The following PHOX2B variants were observed in gnomAD, a reference collection of about 807,000 sequenced individuals.
PHOX2B encodes the protein paired mesoderm homeobox protein 2B.
A neutral mutation model predicts 15.5 loss-of-function variants in PHOX2B; 1 was observed. The ratio of observed to expected loss-of-function variants is 0.06; its 90% CI spans 0.02 to 0.31. PHOX2B has a LOEUF of 0.31. Among genes scored for constraint, PHOX2B ranks in the 10% least tolerant of loss-of-function variants. The pLI, the probability that PHOX2B is intolerant of heterozygous loss-of-function variation, is 1.00. For synonymous variants in PHOX2B, 206 were observed against 190.5 expected (o/e 1.08, Z -0.67); for missense variants, 314 against 436.4 (o/e 0.72, Z 2.50).
intron 2 of PHOX2B, 73 bp from the exon 3 acceptor site, chr4:41,746,395 A>G (rs999141639): frequency 6.7e-7 from 1 of 1,481,960 alleles, no homozygotes; most frequent in Non-Finnish European, 9.2e-7. Context: ...AGCACCGGTT[A>G]GGGTGGCCCA....
At position 41,744,464 on chromosome 4, in the gene PHOX2B, A is replaced by G. The variant is rs564096488; in HGVS notation, c.*1343T>C. 36 of 232,634 alleles carry G rather than the reference A, an allele frequency of 1.5e-4. No individual in the cohort carries two copies. The highest frequency in any genetic ancestry group is 1.4e-3 in the South Asian group (8 of 5,520). 14.4% of individuals were successfully genotyped at this position (232,634 alleles called of 1,614,324 possible). A position where few individuals can be genotyped will look rare whatever the true frequency, so the allele number is the denominator to read the frequency against. On this transcript the variant is annotated 3_prime_UTR_variant, in exon 3 of 3. Coordinates refer to ENST00000226382, the MANE Select transcript of PHOX2B (RefSeq NM_003924.4). ...TCTGCACTGATATTAACACGATACA[A>G]TTGAGTCACAGAACACAGTTGTAGA...
rs749694204 is a variant in PHOX2B at position 41,745,990 on chromosome 4, TGCCGCCGCCGCCGCTGCCGCGGCC to T, written c.738_761del (p.Ala253_Ala260del). 16 of 1,235,968 alleles carry T rather than the reference TGCCGCCGCCGCCGCTGCCGCGGCC, an allele frequency of 1.3e-5. 1 individual carries two copies. The highest frequency in any genetic ancestry group is 7.1e-5 in the South Asian group (2 of 28,108). 76.6% of individuals were successfully genotyped at this position (1,235,968 alleles called of 1,614,324 possible). On this transcript the variant is annotated inframe_deletion, in exon 3 of 3. Transcript: ENST00000226382. This position sits in a 1 kb window ranked among gnomAD's most constrained non-coding sequence, Gnocchi z 4.0. ...GGCCTCCAGCTGCCGCCGCTGCCGC[TGCCGCCGCCGCCGCTGCCGCGGCC>T]GCCGCCGCTGCTGCTGCGCCGCCCT... is the stretch of plus-strand genomic sequence containing the variant.
rs761077266 is a variant in PHOX2B, at chr4:41,745,924, G to T, written c.828C>A (p.Gly276=). ...AGGPGQGWAP[G]PGPITSIPDS... is the part of the protein sequence containing the mutation. ...CCGGGATGGAGGTGATGGGGCCGGG[G>T]CCGGGAGCCCAGCCTTGTCCAGGGC... Residue 276 remains glycine, a synonymous_variant, in exon 3 of 3, where the codon GGC becomes GGA. Transcript: ENST00000226382. The surrounding 1 kb of genome is among the most constrained non-coding windows in gnomAD (Gnocchi z 4.0). 5 of 1,600,144 alleles carry T rather than the reference G, an allele frequency of 3.1e-6. No individual in the cohort carries two copies. The highest frequency in any genetic ancestry group is 4.3e-6 in the Non-Finnish European group (5 of 1,174,270).
intron 2 of PHOX2B, 111 bp from the exon 3 acceptor site, chr4:41,746,433 C>A: frequency 1.9e-6 from 2 of 1,028,118 alleles, no homozygotes; most frequent in South Asian, 1.4e-5. Flanking sequence ...TTTTAACACC[C>A]TCCTCCCCAT....
Position 41,748,458 on chromosome 4 carries a change from A to C in PHOX2B, c.153T>G (p.Phe51Leu), listed in dbSNP as rs1012348354. The C allele has an allele frequency of 6.2e-7, 1 of 1,614,174 alleles. No individual in the cohort carries two copies. The highest frequency in any genetic ancestry group is 8.5e-7 in the Non-Finnish European group (1 of 1,180,008). The change falls in exon 1 of 3, where the codon TTT becomes TTG. Residue 51 changes from phenylalanine to leucine, a missense_variant. Phe to Leu is a conservative substitution (Grantham distance 22). Coordinates refer to ENST00000226382, the MANE Select transcript of PHOX2B (RefSeq NM_003924.4). ...GFQYNPIRTT[F>L]GATSGCPSLT... ...GGGAAGGGCAGCCGGACGTGGCCCC[A>C]AAAGTGGTCCTTATCGGGTTATACT...
At chr4:41,747,289 T>A in intron 2 of PHOX2B, 60 bp downstream of exon 2, 2 of 1,426,018 alleles carry the variant, frequency 1.4e-6, no homozygotes, top group Non-Finnish European at 2.0e-6. Context: ...CAGCCGCCCC[T>A]CACCCCACAC....
rs1733816449 is a variant in PHOX2B at position 41,744,236 on chromosome 4, T to C, written c.*1571A>G. 2 of 216,928 alleles carry C rather than the reference T, an allele frequency of 9.2e-6. No individual in the cohort carries two copies. The highest frequency in any genetic ancestry group is 1.9e-5 in the Non-Finnish European group (2 of 107,628). The allele number at this position is 216,928 out of a possible 1,614,324, so 13.4% of individuals were successfully genotyped here. A position where few individuals can be genotyped will look rare whatever the true frequency, so the allele number is the denominator to read the frequency against. On this transcript the variant is annotated 3_prime_UTR_variant, in exon 3 of 3. Transcript: ENST00000226382. Reference sequence around the variant, plus strand: ...AAATCTGAAACATAACTTATGACAATTATGTTCACAAACATAGTCCAACAG... The same window carrying C: ...AAATCTGAAACATAACTTATGACAACTATGTTCACAAACATAGTCCAACAG...
Position 41,748,704 on chromosome 4 carries a change from A to G in PHOX2B, c.-94T>C, listed in dbSNP as rs953105370. 8.2e-7 allele frequency: 1 copy of G among 1,224,842 alleles called. No homozygotes were observed. Among genetic ancestry groups the G allele is most frequent in the African/African-American group, 1.5e-5 (1 of 67,248 alleles). The allele number at this position is 1,224,842 out of a possible 1,614,324, so 75.9% of individuals were successfully genotyped here. On this transcript the variant is annotated 5_prime_UTR_variant, in exon 1 of 3. Transcript: ENST00000226382. Reference sequence around the variant, plus strand: ...GGAGTGGGGAGATGTGCACAGCTCAACGCCTGCCTCCAAACTGGCCTCCTT... The same window carrying G: ...GGAGTGGGGAGATGTGCACAGCTCAGCGCCTGCCTCCAAACTGGCCTCCTT...
chr4:41,746,372 A>T (rs1237944301), intron 2 of PHOX2B, 50 bp from the exon 3 acceptor site: 1 of 1,591,328 alleles, frequency 6.3e-7, no homozygotes, highest in East Asian at 2.3e-5. Context: ...GAAAGAAGAA[A>T]ATGGGAAAGA....
Position 41,746,161 on chromosome 4 carries a change from GC to G in PHOX2B, c.590del (p.Gly197AlafsTer112). On this transcript the variant is annotated frameshift_variant, in exon 3 of 3. Coordinates refer to ENST00000226382, the MANE Select transcript of PHOX2B (RefSeq NM_003924.4). LOFTEE classifies it low-confidence loss of function (END_TRUNC). ...AKSTDPDSTG[G>X]PGPNPNPTPS... ...GGGTGGGGTTGGGATTGGGACCTGGGCCCCCAGTGCTGTCCGGGTCAGTGCT... is the reference window on the plus strand; with the variant it reads ...GGGTGGGGTTGGGATTGGGACCTGGGCCCCAGTGCTGTCCGGGTCAGTGCT... 6.2e-7 allele frequency: 1 copy of G among 1,612,626 alleles called. No individual in the cohort carries two copies.
chr4:41,745,207 A>C lies in PHOX2B; in HGVS notation c.*600T>G, dbSNP rs73139116. The C allele has an allele frequency of 0.032, 7,468 of 233,310 alleles. 176 individuals carry two copies. The highest frequency in any genetic ancestry group is 0.06 in the Middle Eastern group (47 of 786). 14.5% of individuals were successfully genotyped at this position (233,310 alleles called of 1,614,324 possible). A position where few individuals can be genotyped will look rare whatever the true frequency, so the allele number is the denominator to read the frequency against. ...GCGGATTTAGGGGTTCACAAGATCG[A>C]GCCTTCAGCTCCAGCTGCAGCTTCT... is the stretch of plus-strand genomic sequence containing the variant. On this transcript the variant is annotated 3_prime_UTR_variant, in exon 3 of 3. Transcript: ENST00000226382. This position sits in a 1 kb window ranked among gnomAD's most constrained non-coding sequence, Gnocchi z 4.0.
In PHOX2B at chr4:41,744,673, T is replaced by G; in HGVS notation, c.*1134A>C. 1 of 233,454 alleles carries G rather than the reference T, an allele frequency of 4.3e-6. No homozygotes were observed. The highest frequency in any genetic ancestry group is 8.5e-6 in the Non-Finnish European group (1 of 117,968). 14.5% of individuals were successfully genotyped at this position (233,454 alleles called of 1,614,324 possible). On this transcript the variant is annotated 3_prime_UTR_variant, in exon 3 of 3. Coordinates refer to ENST00000226382, the MANE Select transcript of PHOX2B (RefSeq NM_003924.4). ...CCAGTTCGGATCATTCCAACAGAAA[T>G]GCAAACCGAGACACCCCTGCAAACG...
At position 41,745,745 on chromosome 4, in the gene PHOX2B, C is replaced by T; in HGVS notation, c.*62G>A. 1.3e-6 allele frequency: 2 copies of T among 1,557,018 alleles called. No homozygotes were observed. Among genetic ancestry groups the T allele is most frequent in the Non-Finnish European group, 1.7e-6 (2 of 1,152,764 alleles). ...CCTTGGGCCTACCCGCTCGCCCACT[C>T]GCCCGCCCGGGCCCTGGCTCGCCCG... On this transcript the variant is annotated 3_prime_UTR_variant, in exon 3 of 3. Coordinates refer to ENST00000226382, the MANE Select transcript of PHOX2B (RefSeq NM_003924.4). The surrounding 1 kb of genome is among the most constrained non-coding windows in gnomAD (Gnocchi z 4.0).
Position 41,745,778 on chromosome 4 carries a change from C to T in PHOX2B, c.*29G>A, listed in dbSNP as rs2153112722. 5 of 1,587,708 alleles carry T rather than the reference C, an allele frequency of 3.1e-6. No individual in the cohort carries two copies. Among genetic ancestry groups the T allele is most frequent in the Non-Finnish European group, 4.3e-6 (5 of 1,168,418 alleles). ...CGGGCCCTGGCTCGCCCGCTGTCGC[C>T]GCCGCCGCCGCCGCCGCAGGATTCC... is the stretch of plus-strand genomic sequence containing the variant. On this transcript the variant is annotated 3_prime_UTR_variant, in exon 3 of 3. Coordinates refer to ENST00000226382, the MANE Select transcript of PHOX2B (RefSeq NM_003924.4). The surrounding 1 kb of genome is among the most constrained non-coding windows in gnomAD (Gnocchi z 4.0).
chr4:41,745,712 GACA>G lies in PHOX2B; in HGVS notation c.*92_*94del. 1 of 1,461,108 alleles carries G rather than the reference GACA, an allele frequency of 6.8e-7. No individual in the cohort carries two copies. Among genetic ancestry groups the G allele is most frequent in the Non-Finnish European group, 9.2e-7 (1 of 1,090,412 alleles). 90.5% of individuals were successfully genotyped at this position (1,461,108 alleles called of 1,614,324 possible). A position where few individuals can be genotyped will look rare whatever the true frequency, so the allele number is the denominator to read the frequency against. On this transcript the variant is annotated 3_prime_UTR_variant, in exon 3 of 3. Coordinates refer to ENST00000226382, the MANE Select transcript of PHOX2B (RefSeq NM_003924.4). This position sits in a 1 kb window ranked among gnomAD's most constrained non-coding sequence, Gnocchi z 4.0. ...ATGAAAAAGCCATGGCAGCAGCGACGACAATAGCCTTGGGCCTACCCGCTCGCC... is the reference window on the plus strand; with the variant it reads ...ATGAAAAAGCCATGGCAGCAGCGACGATAGCCTTGGGCCTACCCGCTCGCC...
Position 41,746,203 on chromosome 4 carries a change from C to G in PHOX2B, c.549G>C (p.Glu183Asp). 1 of 1,613,868 alleles carries G rather than the reference C, an allele frequency of 6.2e-7. No homozygotes were observed. Among genetic ancestry groups the G allele is most frequent in the South Asian group, 1.1e-5 (1 of 91,088 alleles). Residue 183 changes from glutamate to aspartate, a missense_variant, in exon 3 of 3, where the codon GAG becomes GAC. Physicochemically the swap from Glu to Asp is conservative, Grantham distance 45. Coordinates refer to ENST00000226382, the MANE Select transcript of PHOX2B (RefSeq NM_003924.4). ...GGTCAGTGCTCTTGGCCTCTTTGCT[C>G]TCGTCGTCCCTGGAAGAGTCAGACT... ...GKKSDSSRDDESKEAKSTDPD... is the reference protein window; with the variant it reads ...GKKSDSSRDDDSKEAKSTDPD...
intron 1 of PHOX2B, 162 bp from the exon 2 acceptor site, chr4:41,747,698 T>A (rs558764265): frequency 2.8e-6 from 2 of 719,290 alleles, no homozygotes; most frequent in South Asian, 3.0e-5. Context: ...ACCGAGGAAA[T>A]TTGTTATCTG....
intron 1 of PHOX2B, 54 bp from the exon 2 acceptor site, chr4:41,747,590 G>A (rs2153112962): frequency 6.7e-7 from 1 of 1,484,560 alleles, no homozygotes; most frequent in Non-Finnish European, 9.3e-7. Flanking sequence ...CAGCTCGCCG[G>A]CCGTGGAGCT....
In PHOX2B at chr4:41,748,653, A is replaced by G; in HGVS notation, c.-43T>C. On this transcript the variant is annotated 5_prime_UTR_variant, in exon 1 of 3. Coordinates refer to ENST00000226382, the MANE Select transcript of PHOX2B (RefSeq NM_003924.4). ...GCTCAGCCAAGTGGAAAAATGAAAT[A>G]AAAGATGGATATGGAGAAGGTGGCT... 1.9e-6 allele frequency: 3 copies of G among 1,599,086 alleles called. No homozygotes were observed. The highest frequency in any genetic ancestry group is 2.2e-5 in the East Asian group (1 of 44,778).
Sources: allele counts gnomAD v4.1 joint callset, GRCh38; gene constraint gnomAD v4.1.1; non-coding constraint Gnocchi (gnomAD v3.1); transcripts MANE v1.5; gene names NCBI Gene and HGNC (gene_info 2026-07-23, HGNC 2026-07-21).